FMNL2: variants seen among roughly 807,000 people sequenced by gnomAD.
The protein encoded by FMNL2 is formin-like protein 2.
Under a neutral mutation model 130.2 loss-of-function variants are expected in FMNL2, and 51 were observed. The ratio of observed to expected loss-of-function variants is 0.39; its 90% CI spans 0.31 to 0.49. The LOEUF is 0.49. Among genes scored for constraint, FMNL2 ranks in the 20% least tolerant of loss-of-function variants. The pLI, the probability that FMNL2 is intolerant of heterozygous loss-of-function variation, is 0.85. For synonymous variants in FMNL2, 465 were observed against 467.1 expected, an observed-to-expected ratio of 1.00 and a Z score of 0.06; for missense variants, 977 against 1,316.2, an observed-to-expected ratio of 0.74 and a Z score of 3.99.
intron 1 of FMNL2, among the ~76,000 whole-genome samples, chr2:152,437,637 A>G (rs117275746): frequency 3.5e-3 from 529 of 152,266 alleles, no homozygotes; most frequent in African/African-American, 0.012. Flanking sequence ...GAAACTGACT[A>G]TATTTTACAG....
chr2:152,456,010 C>G (rs1688935715), intron 1 of FMNL2, among the ~76,000 whole-genome samples: 1 of 152,280 alleles, frequency 6.6e-6, no homozygotes, highest in African/African-American at 2.4e-5. Context: ...GCTGCTGCAC[C>G]TGGCTTCATA....
At chr2:152,552,263 C>G (rs1431987664) in intron 4 of FMNL2, among the ~76,000 whole-genome samples, 1 of 152,062 alleles carries the variant, frequency 6.6e-6, no homozygotes, top group Non-Finnish European at 1.5e-5. Flanking sequence ...AAATAATTAC[C>G]TGCAGTATTC....
chr2:152,383,161 G>A (rs1372470014), intron 1 of FMNL2, among the ~76,000 whole-genome samples: 2 of 152,044 alleles, frequency 1.3e-5, no homozygotes, highest in Non-Finnish European at 2.9e-5. Context: ...TAATTTCTGG[G>A]AGAGATGCGG....
At chr2:152,612,805 C>T (rs528566047) in intron 11 of FMNL2, among the ~76,000 whole-genome samples, 10 of 151,972 alleles carry the variant, frequency 6.6e-5, no homozygotes, top group African/African-American at 2.4e-4. Flanking sequence ...GACTGGGTTT[C>T]ACCATGTTGG....
At chr2:152,632,232 T>G in intron 21 of FMNL2, 95 bp downstream of exon 21, 1 of 1,499,612 alleles carries the variant, frequency 6.7e-7, no homozygotes, top group Non-Finnish European at 8.9e-7. Context: ...CAGAACCCAT[T>G]TAAAAAGCCA....
At chr2:152,642,134 G>A (rs1475920812) in intron 25 of FMNL2, among the ~76,000 whole-genome samples, 1 of 152,048 alleles carries the variant, frequency 6.6e-6, no homozygotes, top group African/African-American at 2.4e-5. Flanking sequence ...TAGAGATGGG[G>A]TTTCACCGTG....
chr2:152,562,863 A>C (rs1238038693), intron 6 of FMNL2, among the ~76,000 whole-genome samples: 1 of 152,178 alleles, frequency 6.6e-6, no homozygotes, highest in Non-Finnish European at 1.5e-5. Context: ...ATTATTTGTA[A>C]GGGATTTAAT....
chr2:152,540,843 A>C (rs1694275008), intron 2 of FMNL2, among the ~76,000 whole-genome samples: 1 of 152,196 alleles, frequency 6.6e-6, no homozygotes, highest in Non-Finnish European at 1.5e-5. Context: ...AAGTATAATT[A>C]AAAATTAATA....
At chr2:152,546,012 C>T (rs190978535) in intron 3 of FMNL2, among the ~76,000 whole-genome samples, 13 of 152,218 alleles carry the variant, frequency 8.5e-5, no homozygotes, top group Non-Finnish European at 1.8e-4. Flanking sequence ...TTATTATTAC[C>T]TCATCGTGTT....
At chr2:152,408,728 G>C (rs1686130843) in intron 1 of FMNL2, among the ~76,000 whole-genome samples, 2 of 152,072 alleles carry the variant, frequency 1.3e-5, no homozygotes, top group South Asian at 4.1e-4. Flanking sequence ...CCTATAGTTG[G>C]CAAAACCATC....
At chr2:152,543,196 A>C (rs1184566697) in intron 3 of FMNL2, among the ~76,000 whole-genome samples, 3 of 152,142 alleles carry the variant, frequency 2.0e-5, no homozygotes. Context: ...ACCTTGAAAA[A>C]TCACTGGGCC....
intron 1 of FMNL2, among the ~76,000 whole-genome samples, chr2:152,367,597 A>ATT (rs1473987154): frequency 6.6e-6 from 1 of 152,142 alleles, no homozygotes; most frequent in Non-Finnish European, 1.5e-5. Flanking sequence ...TTGAAAGGGG[A>ATT]TTGTGAAAAT....
intron 1 of FMNL2, among the ~76,000 whole-genome samples, chr2:152,338,364 C>T (rs1335505587): frequency 6.6e-6 from 1 of 152,172 alleles, no homozygotes; most frequent in Non-Finnish European, 1.5e-5. Context: ...TTCCTCCCAA[C>T]TTCCAGCTCT....
chr2:152,431,003 A>G (rs1162601152), intron 1 of FMNL2, among the ~76,000 whole-genome samples: 1 of 151,996 alleles, frequency 6.6e-6, no homozygotes, highest in Admixed American at 6.6e-5. Flanking sequence ...ATTGCCTTGC[A>G]TCTGTTTTGA....
chr2:152,337,328 T>C (rs6725954), intron 1 of FMNL2, among the ~76,000 whole-genome samples: 73,391 of 151,544 alleles, frequency 0.48, 19,777 homozygotes, highest in Non-Finnish European at 0.62. Context: ...TCTTACCTCC[T>C]GGCTCTGGCT....
chr2:152,390,164 C>T, intron 1 of FMNL2: 2 of 1,282,260 alleles, frequency 1.6e-6, no homozygotes, highest in Non-Finnish European at 2.3e-6. Flanking sequence ...ACTGCTGGAC[C>T]CAGAGCCTGT....
intron 25 of FMNL2, among the ~76,000 whole-genome samples, chr2:152,642,059 GCCTC>G (rs1410755509): frequency 1.3e-5 from 2 of 151,822 alleles, no homozygotes; most frequent in Non-Finnish European, 2.9e-5. Flanking sequence ...TTCTGCCTCA[GCCTC>G]CCAAGTAGCT....
At chr2:152,398,977 G>A (rs1435888455) in intron 1 of FMNL2, among the ~76,000 whole-genome samples, 1 of 152,224 alleles carries the variant, frequency 6.6e-6, no homozygotes, top group African/African-American at 2.4e-5. Context: ...GTGTTGTGGA[G>A]AGACAAACAT....
At chr2:152,643,790 T>G in intron 25 of FMNL2, 2 of 985,490 alleles carry the variant, frequency 2.0e-6, no homozygotes, top group Non-Finnish European at 1.2e-6. Context: ...ACAGAAATTT[T>G]CAGAAAAATA....
Sources: allele counts gnomAD v4.1 joint callset (sites outside exome capture counted in the v4.1 genomes callset), GRCh38; gene constraint gnomAD v4.1.1; transcripts MANE v1.5; gene names NCBI Gene and HGNC (gene_info 2026-07-23, HGNC 2026-07-21).